Variants in OTUD4 observed in about 807,000 individuals in gnomAD.
The protein encoded by OTUD4 is OTU deubiquitinase 4, also known as OTU domain-containing protein 4.
A neutral mutation model predicts 130.4 loss-of-function variants in OTUD4; 24 were observed. The observed-to-expected ratio is 0.18, with a 90% CI of 0.13 to 0.26. The LOEUF (loss-of-function observed/expected upper bound fraction) is 0.26. Ranked by LOEUF, OTUD4 falls within the 10% of genes least tolerant of loss-of-function variation. The pLI is 1.00. For synonymous variants in OTUD4, 420 were observed against 472.5 expected, an observed-to-expected ratio of 0.89 and a Z score of 1.44; for missense variants, 1,031 against 1,329.4, an observed-to-expected ratio of 0.78 and a Z score of 3.49.
intron 3 of OTUD4, among the ~76,000 whole-genome samples, chr4:145,170,187 T>C: frequency 6.6e-6 from 1 of 152,238 alleles, no homozygotes; most frequent in East Asian, 1.9e-4. Flanking sequence ...CATTTTCACA[T>C]GCACATCAAG....
rs1428807214 is a variant in OTUD4 at position 145,136,756 on chromosome 4, A to G, written c.*674T>C. 6.6e-6 allele frequency: 1 copy of G among 152,650 alleles called. No homozygotes were observed. The highest frequency in any genetic ancestry group is 1.5e-5 in the Non-Finnish European group (1 of 68,036). The allele number at this position is 152,650 out of a possible 1,614,324, so 9.5% of individuals were successfully genotyped here. A position where few individuals can be genotyped will look rare whatever the true frequency, so the allele number is the denominator to read the frequency against. ...CAATCTCAACAAATACCAAAATTCA[A>G]AAATATACCTTATGAATATTAAAAG... On this transcript the variant is annotated 3_prime_UTR_variant, in exon 21 of 21. Coordinates refer to ENST00000447906, the MANE Select transcript of OTUD4 (RefSeq NM_001366057.1).
chr4:145,146,461 C>CATAAATAAATAAATAAATAAATAAATAA (rs55722437), intron 13 of OTUD4, 32 bp from the exon 14 acceptor site: 1 of 943,994 alleles, frequency 1.1e-6, no homozygotes, highest in African/African-American at 2.0e-5. Context: ...TCAGAAAATA[C>CATAAATAAATAAATAAATAAATAAATAA]ATAAATAAAT....
intron 17 of OTUD4, 93 bp from the exon 18 acceptor site, chr4:145,142,427 G>T: frequency 1.9e-6 from 2 of 1,078,744 alleles, no homozygotes; most frequent in South Asian, 1.5e-5. Flanking sequence ...ATATTGAGTT[G>T]CCTGCCTTTT....
chr4:145,157,271 C>T (rs769305968), intron 7 of OTUD4, among the ~76,000 whole-genome samples: 9 of 152,128 alleles, frequency 5.9e-5, no homozygotes, highest in Non-Finnish European at 1.3e-4. Context: ...TGTCCCCACC[C>T]AAAATCTCAT....
intron 7 of OTUD4, 45 bp from the exon 8 acceptor site, chr4:145,156,041 C>T (rs1444000709): frequency 3.4e-6 from 5 of 1,473,644 alleles, no homozygotes; most frequent in Non-Finnish European, 4.7e-6. Context: ...AAGGTATTTG[C>T]ACGTAATTAC....
chr4:145,174,922 C>T (rs976228879), intron 1 of OTUD4, among the ~76,000 whole-genome samples, 178 bp from the exon 2 acceptor site: 14 of 152,160 alleles, frequency 9.2e-5, no homozygotes, highest in African/African-American at 3.4e-4. Context: ...CTAAGCACAG[C>T]GAAGACATGA....
At chr4:145,165,397 A>G (rs1419834433) in intron 3 of OTUD4, among the ~76,000 whole-genome samples, 200 bp from the exon 4 acceptor site, 1 of 152,194 alleles carries the variant, frequency 6.6e-6, no homozygotes, top group Non-Finnish European at 1.5e-5. Context: ...TCTCTCCCAC[A>G]CATACACAAA....
At position 145,155,705 on chromosome 4, in the gene OTUD4, T is replaced by C. The variant is rs1751252623; in HGVS notation, c.691-19A>G. 2 of 1,468,820 alleles carry C rather than the reference T, an allele frequency of 1.4e-6. No individual in the cohort carries two copies. Among genetic ancestry groups the C allele is most frequent in the Non-Finnish European group, 1.9e-6 (2 of 1,061,052 alleles). The allele number at this position is 1,468,820 out of a possible 1,614,324, so 91.0% of individuals were successfully genotyped here. ...TCAGCTGCTAAACAAAGTCAGGAAGTCCAATCAACACATAAGTGCTTTTAA... is the reference window on the plus strand; with the variant it reads ...TCAGCTGCTAAACAAAGTCAGGAAGCCCAATCAACACATAAGTGCTTTTAA... On this transcript the variant is annotated intron_variant, in intron 8 of 20. Transcript: ENST00000447906.
In OTUD4 at chr4:145,137,509, C is replaced by T. The variant is rs1249013482; in HGVS notation, c.3266G>A (p.Arg1089Gln). The T allele has an allele frequency of 1.9e-6, 3 of 1,611,522 alleles. No individual in the cohort carries two copies. Residue 1089 changes from arginine (R) to glutamine (Q), a missense_variant, in exon 21 of 21, where the codon CGA becomes CAA. Physicochemically the swap from Arg to Gln is conservative, Grantham distance 43. This residue lies in a region of OTUD4 where 900 missense variants were observed against 1,095.9 expected (regional missense o/e 0.82). Transcript: ENST00000447906. The part of the protein sequence containing the change: ...RSRDEGYQYH[R>Q]NVRGRPFRGD... Reference sequence around the variant, plus strand: ...CCTAAATGGTCGCCCTCTGACATTTCGATGGTACTGATAACCTTCATCCCG... The same window carrying T: ...CCTAAATGGTCGCCCTCTGACATTTTGATGGTACTGATAACCTTCATCCCG...
At chr4:145,139,549 A>C (rs1750457088) in intron 20 of OTUD4, among the ~76,000 whole-genome samples, 1 of 152,196 alleles carries the variant, frequency 6.6e-6, no homozygotes, top group Non-Finnish European at 1.5e-5. Flanking sequence ...CAAGTAAAGA[A>C]TATTACCCCC....
chr4:145,168,498 A>G (rs1751990595), intron 3 of OTUD4, among the ~76,000 whole-genome samples: 1 of 151,944 alleles, frequency 6.6e-6, no homozygotes, highest in Non-Finnish European at 1.5e-5. Context: ...CAGGACTTAT[A>G]TCCAGTATAA....
chr4:145,161,492 C>T lies in OTUD4; in HGVS notation c.496+1148G>A, dbSNP rs78462002. Among the ~76,000 whole-genome samples, 3 of 152,222 alleles carry T rather than the reference C, an allele frequency of 2.0e-5. No homozygotes were observed. The East Asian group carries it at 5.8e-4, about 29-fold the overall frequency. On this transcript the variant is annotated intron_variant, in intron 6 of 20. Coordinates refer to ENST00000447906, the MANE Select transcript of OTUD4 (RefSeq NM_001366057.1). The stretch of plus-strand genomic sequence containing the variant: ...CAAGCCCAGCACCACTGCTTTATGA[C>T]TGATCTGTACTTTGCCAGAACGGAT...
intron 10 of OTUD4, among the ~76,000 whole-genome samples, chr4:145,154,965 C>T (rs1300378876): frequency 6.6e-6 from 1 of 152,172 alleles, no homozygotes; most frequent in African/African-American, 2.4e-5. Flanking sequence ...AATTAATTGG[C>T]AAAAACTCCT....
At chr4:145,144,781 A>C (rs1006792652) in intron 14 of OTUD4, among the ~76,000 whole-genome samples, 2 of 152,162 alleles carry the variant, frequency 1.3e-5, no homozygotes, top group African/African-American at 2.4e-5. Flanking sequence ...TTCCAAAAAA[A>C]TCATTGTAGC....
Position 145,146,711 on chromosome 4 carries a change from GA to G in OTUD4, c.1260-283del, listed in dbSNP as rs372595503. 4.1e-3 allele frequency among the ~76,000 whole-genome samples: 617 copies of G among 151,080 alleles called. 8 individuals are homozygous for G. The highest frequency in any genetic ancestry group is 0.014 in the African/African-American group (568 of 41,234). ...CAGCAATGGGAGGTAGAGGGGAAAA[GA>G]AAAAAAAACTTATTTCCAAATGATA... On this transcript the variant is annotated intron_variant, in intron 13 of 20. Transcript: ENST00000447906.
At chr4:145,140,128 A>AT in intron 19 of OTUD4, 137 bp from the exon 20 acceptor site, 1 of 354,088 alleles carries the variant, frequency 2.8e-6, no homozygotes, top group Non-Finnish European at 5.2e-6. Context: ...CAAAACATAG[A>AT]TAAAAACTGT....
At chr4:145,143,524 T>TC (rs1393300864) in intron 16 of OTUD4, 79 bp from the exon 17 acceptor site, 1 of 794,312 alleles carries the variant, frequency 1.3e-6, no homozygotes, top group East Asian at 2.6e-5. Context: ...CTTTTATAAT[T>TC]CACCCTACCT....
intron 13 of OTUD4, among the ~76,000 whole-genome samples, chr4:145,148,902 T>C (rs1404353982): frequency 6.6e-6 from 1 of 152,222 alleles, no homozygotes; most frequent in East Asian, 1.9e-4. Context: ...GTTTGGTCAA[T>C]GTCCAAACAA....
chr4:145,150,315 T>G (rs1485872241), intron 13 of OTUD4, among the ~76,000 whole-genome samples, 198 bp downstream of exon 13: 1 of 152,248 alleles, frequency 6.6e-6, no homozygotes, highest in East Asian at 1.9e-4. Flanking sequence ...GGTCTCTCTA[T>G]ATATACTTCC....
Sources: gnomAD v4.1 joint callset for allele counts (sites outside exome capture counted in the v4.1 genomes callset) on GRCh38, gnomAD v4.1.1 for gene constraint, gnomAD v4.1.1 regional missense constraint, MANE v1.5 for transcripts, NCBI Gene and HGNC (gene_info 2026-07-23, HGNC 2026-07-21) for gene names.